NOVA1: variants seen among roughly 807,000 people sequenced by gnomAD.
NOVA1 encodes RNA-binding protein Nova-1.
Under a neutral mutation model 38.0 loss-of-function variants are expected in NOVA1, and 7 were observed. The ratio of observed to expected loss-of-function variants is 0.18; its 90% CI spans 0.10 to 0.35. NOVA1 has a LOEUF of 0.35. NOVA1 is among the 10% of genes least tolerant of loss of function. The pLI, the probability that NOVA1 is intolerant of heterozygous loss-of-function variation, is 1.00. For synonymous variants in NOVA1, 270 were observed against 232.5 expected, an observed-to-expected ratio of 1.16 and a Z score of -1.47; for missense variants, 460 against 616.0, an observed-to-expected ratio of 0.75 and a Z score of 2.68.
intron 2 of NOVA1, among the ~76,000 whole-genome samples, chr14:26,577,034 ACTATT>A (rs1686301424): frequency 6.6e-6 from 1 of 151,784 alleles, no homozygotes; most frequent in Non-Finnish European, 1.5e-5. Flanking sequence ...CCTGGTAACC[ACTATT>A]CTATTCTCCA....
At chr14:26,560,843 T>C (rs949644335) in intron 2 of NOVA1, among the ~76,000 whole-genome samples, 10 of 152,192 alleles carry the variant, frequency 6.6e-5, no homozygotes, top group African/African-American at 9.6e-5. Context: ...TAACCATCTC[T>C]GGCTCACAGT....
intron 2 of NOVA1, among the ~76,000 whole-genome samples, chr14:26,560,516 T>C (rs1891757856): frequency 6.6e-6 from 1 of 152,130 alleles, no homozygotes; most frequent in Admixed American, 6.5e-5. Context: ...ATTTTCAATA[T>C]GTGATAACTC....
intron 2 of NOVA1, among the ~76,000 whole-genome samples, chr14:26,580,796 C>T (rs1893167741): frequency 6.6e-6 from 1 of 151,874 alleles, no homozygotes; most frequent in African/African-American, 2.4e-5. Flanking sequence ...CTATCACCTG[C>T]ATTTTTACAA....
intron 3 of NOVA1, among the ~76,000 whole-genome samples, chr14:26,473,578 A>G (rs1374790203): frequency 8.6e-5 from 13 of 152,006 alleles, no homozygotes; most frequent in Non-Finnish European, 1.0e-4. Flanking sequence ...TGACATTTCA[A>G]AAGTTGTAAT....
chr14:26,465,992 G>A (rs74042405), intron 4 of NOVA1, among the ~76,000 whole-genome samples: 2,102 of 152,196 alleles, frequency 0.014, 41 homozygotes, highest in African/African-American at 0.046. Context: ...GGGGAAGGGG[G>A]AGGCCAGGTT....
intron 2 of NOVA1, among the ~76,000 whole-genome samples, chr14:26,536,359 T>C (rs1890098888): frequency 6.6e-6 from 1 of 151,990 alleles, no homozygotes; most frequent in African/African-American, 2.4e-5. Flanking sequence ...ACTTTAAAAA[T>C]GTAATTGTAT....
chr14:26,579,663 A>G (rs1236722884), intron 2 of NOVA1, among the ~76,000 whole-genome samples: 1 of 152,098 alleles, frequency 6.6e-6, no homozygotes, highest in Non-Finnish European at 1.5e-5. Context: ...ACAAATCATA[A>G]AAAACAATTT....
chr14:26,502,199 A>T (rs1010066723), intron 2 of NOVA1, among the ~76,000 whole-genome samples: 1 of 151,678 alleles, frequency 6.6e-6, no homozygotes, highest in Non-Finnish European at 1.5e-5. Flanking sequence ...TGTTGGACTG[A>T]ATTTTATTTG....
At chr14:26,559,494 A>G (rs1273418467) in intron 2 of NOVA1, among the ~76,000 whole-genome samples, 1 of 152,164 alleles carries the variant, frequency 6.6e-6, no homozygotes, top group Non-Finnish European at 1.5e-5. Context: ...ACAAATACAA[A>G]TATCAATGAA....
At chr14:26,511,921 T>C (rs1263731719) in intron 2 of NOVA1, among the ~76,000 whole-genome samples, 1 of 152,162 alleles carries the variant, frequency 6.6e-6, no homozygotes, top group Non-Finnish European at 1.5e-5. Context: ...AAGTGTTTAT[T>C]GACCCTCTGA....
At chr14:26,558,604 A>G (rs1260142329) in intron 2 of NOVA1, among the ~76,000 whole-genome samples, 2 of 152,164 alleles carry the variant, frequency 1.3e-5, no homozygotes, top group African/African-American at 4.8e-5. Flanking sequence ...AAGTGCAAAA[A>G]TACTGTTTTC....
intron 2 of NOVA1, among the ~76,000 whole-genome samples, chr14:26,513,515 T>C (rs1048884928): frequency 2.6e-5 from 4 of 151,778 alleles, no homozygotes; most frequent in African/African-American, 9.7e-5. Context: ...TCTGCTGTCA[T>C]GGAAACAGTT....
rs61986528 is a variant in NOVA1, at chr14:26,550,589, C to T, written c.280+44821G>A. On this transcript the variant is annotated intron_variant, in intron 2 of 4. Transcript: ENST00000539517. ...TTTATCTTTGATGGAATCAGAAAAT[C>T]AAATTCAATAATTATTCTCTGAGAA... 2.6e-3 allele frequency among the ~76,000 whole-genome samples: 401 copies of T among 152,232 alleles called. 2 individuals are homozygous for T. In the Middle Eastern group the frequency reaches 0.031, roughly 12 times the overall value.
intron 4 of NOVA1, among the ~76,000 whole-genome samples, chr14:26,460,610 A>C (rs1468531518): frequency 6.6e-6 from 1 of 152,104 alleles, no homozygotes; most frequent in African/African-American, 2.4e-5. Flanking sequence ...AGAATAAACA[A>C]AAATGATCAA....
At chr14:26,493,022 A>C (rs1886469569) in intron 2 of NOVA1, among the ~76,000 whole-genome samples, 1 of 152,314 alleles carries the variant, frequency 6.6e-6, no homozygotes, top group African/African-American at 2.4e-5. Flanking sequence ...TTTGGGTATG[A>C]AGGCAAAGCT....
intron 2 of NOVA1, among the ~76,000 whole-genome samples, chr14:26,537,918 G>A (rs913077036): frequency 6.6e-6 from 1 of 152,168 alleles, no homozygotes; most frequent in Admixed American, 6.5e-5. Flanking sequence ...ACTGGAACAT[G>A]AATGATGAAC....
intron 2 of NOVA1, chr14:26,593,292 G>A (rs1049013756): frequency 2.6e-5 from 4 of 151,724 alleles, no homozygotes; most frequent in East Asian, 1.9e-4. Flanking sequence ...GAAGAATACC[G>A]GGATCTTAAA....
At chr14:26,563,840 C>T (rs1192796405) in intron 2 of NOVA1, among the ~76,000 whole-genome samples, 1 of 151,978 alleles carries the variant, frequency 6.6e-6, no homozygotes, top group Admixed American at 6.6e-5. Flanking sequence ...GCTTTATGAG[C>T]GTTTTCAGAG....
chr14:26,472,470 A>C (rs1884662848), intron 3 of NOVA1, 79 bp from the exon 4 acceptor site: 1 of 582,922 alleles, frequency 1.7e-6, no homozygotes, highest in Admixed American at 4.2e-5. Flanking sequence ...AAAATAAAAT[A>C]AAATGTAATA....
Sources: gnomAD v4.1 joint callset for allele counts (sites outside exome capture counted in the v4.1 genomes callset) on GRCh38, gnomAD v4.1.1 for gene constraint, MANE v1.5 for transcripts, NCBI Gene and HGNC (gene_info 2026-07-23, HGNC 2026-07-21) for gene names.